Variants in PDE3A observed in about 807,000 individuals in gnomAD.
The protein encoded by PDE3A is phosphodiesterase 3A, also known as cGMP-inhibited 3',5'-cyclic phosphodiesterase 3A.
PDE3A carries 43 observed loss-of-function variants against 98.3 expected under a neutral mutation model. The ratio of observed to expected loss-of-function variants is 0.44; its 90% CI spans 0.34 to 0.56. PDE3A has a LOEUF of 0.56. Ranked by LOEUF, PDE3A falls within the 20% of genes least tolerant of loss-of-function variation. The probability of loss-of-function intolerance (pLI) is 0.01; values close to 1 mark genes in which losing one functional copy is unlikely to be tolerated. For missense variants in PDE3A, 1,427 were observed against 1,440.7 expected, an observed-to-expected ratio of 0.99 and a Z score of 0.15; for synonymous variants, 663 against 567.9, an observed-to-expected ratio of 1.17 and a Z score of -2.38.
chr12:20,378,559 T>C (rs139533747), intron 1 of PDE3A, among the ~76,000 whole-genome samples: 1 of 151,778 alleles, frequency 6.6e-6, no homozygotes, highest in Admixed American at 6.6e-5. Context: ...TTACTAGAAA[T>C]TCTAAAAAGA....
intron 2 of PDE3A, among the ~76,000 whole-genome samples, chr12:20,598,939 T>C (rs1943528211): frequency 6.6e-6 from 1 of 152,190 alleles, no homozygotes; most frequent in Non-Finnish European, 1.5e-5. Context: ...CACCTTAATC[T>C]TCCTCAAGCA....
chr12:20,531,169 T>G (rs192867001), intron 1 of PDE3A, among the ~76,000 whole-genome samples: 2 of 152,296 alleles, frequency 1.3e-5, no homozygotes, highest in Admixed American at 1.3e-4. Flanking sequence ...ATTGTTCCAT[T>G]TATTCTACTA....
chr12:20,605,122 T>C (rs1287456090), intron 2 of PDE3A, among the ~76,000 whole-genome samples: 1 of 152,224 alleles, frequency 6.6e-6, no homozygotes, highest in Non-Finnish European at 1.5e-5. Flanking sequence ...AATTCCATTT[T>C]TCTGCAGGTG....
chr12:20,625,456 A>C (rs1019859957), intron 5 of PDE3A, among the ~76,000 whole-genome samples: 1 of 152,202 alleles, frequency 6.6e-6, no homozygotes, highest in East Asian at 1.9e-4. Flanking sequence ...TTTCCTATAC[A>C]AAATTTGAAA....
At chr12:20,529,351 AT>A (rs1482270125) in intron 1 of PDE3A, among the ~76,000 whole-genome samples, 1 of 152,136 alleles carries the variant, frequency 6.6e-6, no homozygotes, top group Non-Finnish European at 1.5e-5. Flanking sequence ...CTTCCCTATT[AT>A]GTAGTTGAGA....
At position 20,687,096 on chromosome 12, in the gene PDE3A, G is replaced by T. The variant is rs373701034; in HGVS notation, c.*6825G>T. On this transcript the variant is annotated 3_prime_UTR_variant, in exon 16 of 16. Transcript: ENST00000359062. ...TTTTGAAGAGAAAGATTTTCTTTCC[G>T]GTAATTTTACTCCCTAAAAAAGGCA... Among the ~76,000 whole-genome samples the T allele has an allele frequency of 6.6e-6, 1 of 151,882 alleles. No homozygotes were observed. The highest frequency in any genetic ancestry group is 2.1e-4 in the South Asian group (1 of 4,834).
At chr12:20,665,212 ATCTTGTCTG>A (rs1945280055) in intron 15 of PDE3A, among the ~76,000 whole-genome samples, 1 of 152,202 alleles carries the variant, frequency 6.6e-6, no homozygotes, top group Non-Finnish European at 1.5e-5. Context: ...CATCATATTT[ATCTTGTCTG>A]TCAGAGGGTC....
intron 2 of PDE3A, among the ~76,000 whole-genome samples, chr12:20,603,672 C>A (rs992416864): frequency 1.3e-5 from 2 of 152,086 alleles, no homozygotes; most frequent in South Asian, 4.1e-4. Context: ...GCACAACATA[C>A]ATTTCTTTGC....
At position 20,687,601 on chromosome 12, in the gene PDE3A, A is replaced by C. The variant is rs2120536352; in HGVS notation, c.*7330A>C. Among the ~76,000 whole-genome samples the C allele has an allele frequency of 6.6e-6, 1 of 152,170 alleles. No homozygotes were observed. Among genetic ancestry groups the C allele is most frequent in the South Asian group, 2.1e-4 (1 of 4,824 alleles). On this transcript the variant is annotated 3_prime_UTR_variant, in exon 16 of 16. Coordinates refer to ENST00000359062, the MANE Select transcript of PDE3A (RefSeq NM_000921.5). ...AACAAGAACAATCTGTTAGTTGATAAGCACTGGTAATAAATATCACTGAAC... is the reference window on the plus strand; with the variant it reads ...AACAAGAACAATCTGTTAGTTGATACGCACTGGTAATAAATATCACTGAAC...
chr12:20,548,284 T>C (rs1447188133), intron 1 of PDE3A, among the ~76,000 whole-genome samples: 7 of 152,052 alleles, frequency 4.6e-5, no homozygotes, highest in African/African-American at 1.7e-4. Flanking sequence ...GAGAATTTCT[T>C]CATCAGACGG....
chr12:20,402,452 A>G (rs1001069706), intron 1 of PDE3A, among the ~76,000 whole-genome samples: 2 of 152,032 alleles, frequency 1.3e-5, no homozygotes, highest in Non-Finnish European at 2.9e-5. Flanking sequence ...CCTGGCCTGG[A>G]TCCTGGATTT....
At position 20,552,497 on chromosome 12, in the gene PDE3A, A is replaced by T; in HGVS notation, c.961-4163A>T. 2 of 1,613,042 alleles carry T rather than the reference A, an allele frequency of 1.2e-6. No individual in the cohort carries two copies. The highest frequency in any genetic ancestry group is 1.7e-6 in the Non-Finnish European group (2 of 1,179,630). On this transcript the variant is annotated intron_variant, in intron 1 of 15. Transcript: ENST00000359062. The surrounding 1 kb of genome is among the most constrained non-coding windows in gnomAD (Gnocchi z 5.1). ...CTGGCCAACCGAGAGCGAGAGAAGG[A>T]GAACAGCAAGAGGGAGGAGGAGGAG...
At chr12:20,573,555 G>A (rs1942854262) in intron 2 of PDE3A, among the ~76,000 whole-genome samples, 1 of 152,002 alleles carries the variant, frequency 6.6e-6, no homozygotes, top group African/African-American at 2.4e-5. Flanking sequence ...TTCAAATGCA[G>A]GACAAACGCA....
intron 14 of PDE3A, among the ~76,000 whole-genome samples, chr12:20,653,100 A>C (rs1486005091): frequency 6.6e-6 from 1 of 152,218 alleles, no homozygotes; most frequent in Admixed American, 6.5e-5. Flanking sequence ...TTTGCTAGAT[A>C]ACTGCTGGTT....
intron 2 of PDE3A, among the ~76,000 whole-genome samples, chr12:20,586,291 CTTT>C (rs1943196132): frequency 6.6e-6 from 1 of 152,170 alleles, no homozygotes; most frequent in African/African-American, 2.4e-5. Flanking sequence ...ACACCCTCCC[CTTT>C]AAAGTTAGTC....
intron 4 of PDE3A, among the ~76,000 whole-genome samples, chr12:20,619,479 G>A (rs1414517949): frequency 6.6e-6 from 1 of 152,004 alleles, no homozygotes; most frequent in East Asian, 1.9e-4. Context: ...ATTATGTAAT[G>A]AGAACTGCAA....
At chr12:20,487,666 AAAT>A (rs756839405) in intron 1 of PDE3A, among the ~76,000 whole-genome samples, 6 of 103,206 alleles carry the variant, frequency 5.8e-5, no homozygotes, top group South Asian at 2.9e-4. Context: ...AAAAAAAAAT[AAAT>A]AAATAAAAAA....
chr12:20,652,987 T>A (rs1016780405), intron 14 of PDE3A, among the ~76,000 whole-genome samples: 1 of 152,160 alleles, frequency 6.6e-6, no homozygotes, highest in Non-Finnish European at 1.5e-5. Context: ...TCTCGAAATA[T>A]GGAAATGCAG....
chr12:20,389,483 A>T (rs987220722), intron 1 of PDE3A, among the ~76,000 whole-genome samples: 1 of 151,944 alleles, frequency 6.6e-6, no homozygotes, highest in Non-Finnish European at 1.5e-5. Flanking sequence ...TGGGAAAGTC[A>T]CCTTTAGCAT....
Sources: allele counts gnomAD v4.1 joint callset (sites outside exome capture counted in the v4.1 genomes callset), GRCh38; gene constraint gnomAD v4.1.1; non-coding constraint Gnocchi (gnomAD v3.1); transcripts MANE v1.5; gene names NCBI Gene and HGNC (gene_info 2026-07-23, HGNC 2026-07-21).